MAX: variants seen among roughly 807,000 people sequenced by gnomAD.
The protein encoded by MAX is MYC associated transcriptional regulator X.
Under a neutral mutation model 22.3 loss-of-function variants are expected in MAX, and 3 were observed. The observed-to-expected ratio is 0.13, with a 90% confidence interval of 0.06 to 0.35. MAX has a LOEUF of 0.35. Ranked by LOEUF, MAX falls within the 10% of genes least tolerant of loss-of-function variation. The pLI is 1.00. For synonymous variants in MAX, 72 were observed against 77.7 expected (o/e 0.93, Z 0.39); for missense variants, 119 against 209.4 (o/e 0.57, Z 2.66).
chr14:65,048,602 C>G (rs1434049464), intron 3 of MAX, among the ~76,000 whole-genome samples: 8 of 152,260 alleles, frequency 5.3e-5, no homozygotes, highest in African/African-American at 1.7e-4. Context: ...ACCATAATCC[C>G]AGCACTTTGG....
intron 3 of MAX, among the ~76,000 whole-genome samples, chr14:65,038,410 AAAAT>A (rs763143449): frequency 1.5e-4 from 22 of 150,832 alleles, no homozygotes; most frequent in East Asian, 7.9e-4. Context: ...ACTCCATCTC[AAAAT>A]AAATAAATAA....
At chr14:65,092,054 G>A (rs993212420) in intron 3 of MAX, among the ~76,000 whole-genome samples, 2 of 152,142 alleles carry the variant, frequency 1.3e-5, no homozygotes, top group East Asian at 1.9e-4. Context: ...GGAGAAAATA[G>A]GATTTAGAAT....
rs780247145 is a variant in MAX at position 65,093,420 on chromosome 14, T to A, written c.171+288A>T. 1 of 422,780 alleles carries A rather than the reference T, an allele frequency of 2.4e-6. No individual in the cohort carries two copies. The allele number at this position is 422,780 out of a possible 1,614,324, so 26.2% of individuals were successfully genotyped here. On this transcript the variant is annotated intron_variant, in intron 3 of 4. Coordinates refer to ENST00000358664, the MANE Select transcript of MAX (RefSeq NM_002382.5). The surrounding 1 kb of genome is among the most constrained non-coding windows in gnomAD (Gnocchi z 4.4). ...GAACTCTTGGCCACTCTTTATACTA[T>A]AGTGTATAGTTATAATTTCTTGAAT... is the stretch of plus-strand genomic sequence containing the variant.
At position 65,054,788 on chromosome 14, in the gene MAX, A is replaced by T; in HGVS notation, c.171+38920T>A. The T allele has an allele frequency of 7.5e-7, 1 of 1,335,738 alleles. No individual in the cohort carries two copies. The highest frequency in any genetic ancestry group is 1.0e-6 in the Non-Finnish European group (1 of 968,070). The allele number at this position is 1,335,738 out of a possible 1,614,324, so 82.7% of individuals were successfully genotyped here. A position where few individuals can be genotyped will look rare whatever the true frequency, so the allele number is the denominator to read the frequency against. On this transcript the variant is annotated intron_variant, in intron 3 of 3. Coordinates refer to the MAX transcript ENST00000341653. This position sits in a 1 kb window ranked among gnomAD's most constrained non-coding sequence, Gnocchi z 4.4. ...AACTGGCTCTGCATTTCCTGTGTGG[A>T]CAGGCGGAAGCTTGTGGTCCCTCTG...
At chr14:65,094,470 C>T (rs2063603873) in intron 2 of MAX, among the ~76,000 whole-genome samples, 1 of 152,246 alleles carries the variant, frequency 6.6e-6, no homozygotes, top group Non-Finnish European at 1.5e-5. Context: ...ATCCAAGGTG[C>T]TATCCTGCCA....
At position 65,027,731 on chromosome 14, in the gene MAX, G is replaced by A; in HGVS notation, c.172-21447C>T. ...TTCTTCAGTATTTGTACTCCCTGAA[G>A]CAACCTGACGGCTCCTTTCTCATGC... On this transcript the variant is annotated intron_variant, in intron 3 of 3. Transcript: ENST00000341653. This position sits in a 1 kb window ranked among gnomAD's most constrained non-coding sequence, Gnocchi z 5.7. 6.2e-7 allele frequency: 1 copy of A among 1,614,210 alleles called. No homozygotes were observed. Among genetic ancestry groups the A allele is most frequent in the East Asian group, 2.2e-5 (1 of 44,884 alleles).
chr14:65,044,442 A>T lies in MAX; in HGVS notation c.172-38158T>A. 6.2e-7 allele frequency: 1 copy of T among 1,606,410 alleles called. No homozygotes were observed. On this transcript the variant is annotated intron_variant, in intron 3 of 3. Transcript: ENST00000341653. This position sits in a 1 kb window ranked among gnomAD's most constrained non-coding sequence, Gnocchi z 5.5. The stretch of plus-strand genomic sequence containing the variant: ...TGCTCCACCGCGCACTGCACGCCCA[A>T]GGTGAGCCTGGGGAGCTGTTCACTT...
chr14:65,077,374 A>C lies in MAX; in HGVS notation c.295+539T>G, dbSNP rs1328075485. 1 of 1,613,534 alleles carries C rather than the reference A, an allele frequency of 6.2e-7. No homozygotes were observed. Among genetic ancestry groups the C allele is most frequent in the East Asian group, 2.2e-5 (1 of 44,890 alleles). On this transcript the variant is annotated intron_variant, in intron 4 of 4. Coordinates refer to ENST00000358664, the MANE Select transcript of MAX (RefSeq NM_002382.5). This position sits in a 1 kb window ranked among gnomAD's most constrained non-coding sequence, Gnocchi z 6.3. Reference sequence around the variant, plus strand: ...CTTTTACTTGCATCTTCCATGAGGGAGGAAGAGAAGTGAATTCCCCAGGAA... The same window carrying C: ...CTTTTACTTGCATCTTCCATGAGGGCGGAAGAGAAGTGAATTCCCCAGGAA...
chr14:65,032,697 G>T lies in MAX; in HGVS notation c.172-26413C>A. ...AGGGCACTGCTGAATGGATAGCAAG[G>T]TGAGAGAAGCCAGGGTTTCTCCTGG... On this transcript the variant is annotated intron_variant, in intron 3 of 3. Coordinates refer to the MAX transcript ENST00000341653. This position sits in a 1 kb window ranked among gnomAD's most constrained non-coding sequence, Gnocchi z 5.0. The T allele has an allele frequency of 6.2e-7, 1 of 1,613,314 alleles. No homozygotes were observed.
At position 65,013,704 on chromosome 14, in the gene MAX, C is replaced by T. The variant is rs561408266; in HGVS notation, c.172-7420G>A. ...CCAGGATTACAGGTGTGCACCATCA[C>T]GCCTGGCTAATTTTTGTATTTTTAG... On this transcript the variant is annotated intron_variant, in intron 3 of 3. Coordinates refer to the MAX transcript ENST00000341653. 1.2e-4 allele frequency among the ~76,000 whole-genome samples: 19 copies of T among 152,202 alleles called. 1 individual carries two copies. The highest frequency in any genetic ancestry group is 6.2e-4 in the South Asian group (3 of 4,826).
intron 2 of MAX, among the ~76,000 whole-genome samples, chr14:65,098,056 G>A (rs568193141): frequency 7.9e-4 from 121 of 152,292 alleles, no homozygotes; most frequent in African/African-American, 2.6e-3. Flanking sequence ...CCTTGGTCAG[G>A]AAATTTTAAT....
At chr14:65,042,202 G>C (rs575186239) in intron 3 of MAX, among the ~76,000 whole-genome samples, 4 of 152,030 alleles carry the variant, frequency 2.6e-5, no homozygotes, top group African/African-American at 9.7e-5. Flanking sequence ...GGTGGGACGG[G>C]GGGTGATGGC....
chr14:65,029,103 C>G lies in MAX; in HGVS notation c.172-22819G>C, dbSNP rs2062034770. Among the ~76,000 whole-genome samples, 1 of 152,186 alleles carries G rather than the reference C, an allele frequency of 6.6e-6. No individual in the cohort carries two copies. Among genetic ancestry groups the G allele is most frequent in the Non-Finnish European group, 1.5e-5 (1 of 68,046 alleles). On this transcript the variant is annotated intron_variant, in intron 3 of 3. Transcript: ENST00000341653. This position sits in a 1 kb window ranked among gnomAD's most constrained non-coding sequence, Gnocchi z 4.7. The stretch of plus-strand genomic sequence containing the variant: ...GGCAGCTTGGTTCCCCTGCCAAGCA[C>G]TGTAGCCATATTCTTCCCTGACCTT...
chr14:65,072,953 A>G (rs2139723474), downstream of MAX, among the ~76,000 whole-genome samples: 1 of 152,338 alleles, frequency 6.6e-6, no homozygotes. Context: ...GTGATATACC[A>G]AGAAGTCAAC....
downstream of MAX, among the ~76,000 whole-genome samples, chr14:65,074,216 A>T (rs2063016012): frequency 6.6e-6 from 1 of 152,242 alleles, no homozygotes; most frequent in South Asian, 2.1e-4. Context: ...GTTAACCTTG[A>T]GGGCTTTAGG....
chr14:65,083,810 G>A (rs1015381144), intron 3 of MAX: 3 of 1,127,068 alleles, frequency 2.7e-6, no homozygotes, highest in Non-Finnish European at 2.2e-6. Flanking sequence ...TTTATTTTCT[G>A]AAACCTGTGT....
chr14:65,057,825 A>C (rs1320545842), intron 3 of MAX, among the ~76,000 whole-genome samples: 1 of 152,154 alleles, frequency 6.6e-6, no homozygotes, highest in Non-Finnish European at 1.5e-5. Flanking sequence ...TTTCCTGCTG[A>C]TGTGTATCTC....
At chr14:65,010,576 C>A (rs889516695) in intron 3 of MAX, among the ~76,000 whole-genome samples, 1 of 152,224 alleles carries the variant, frequency 6.6e-6, no homozygotes, top group Non-Finnish European at 1.5e-5. Context: ...TCTGTCTGCC[C>A]ACTGCGATAT....
At chr14:65,071,107 CTT>C (rs1286927189), downstream of MAX, among the ~76,000 whole-genome samples, 1 of 152,064 alleles carries the variant, frequency 6.6e-6, no homozygotes, top group Admixed American at 6.5e-5. This position sits in a 1 kb window ranked among gnomAD's most constrained non-coding sequence, Gnocchi z 4.2. Context: ...ATACTAAACT[CTT>C]ATTACATCAG....
Sources: gnomAD v4.1 joint callset for allele counts (sites outside exome capture counted in the v4.1 genomes callset) on GRCh38, gnomAD v4.1.1 for gene constraint, Gnocchi (gnomAD v3.1) non-coding constraint, MANE v1.5 for transcripts, NCBI Gene and HGNC (gene_info 2026-07-23, HGNC 2026-07-21) for gene names.